Variants in CHLSN observed in about 807,000 individuals in gnomAD.
The protein encoded by CHLSN is protein cholesin.
At chr7:987,822 GTCCTGGGGGTCCCCTCTGTA>G in the CHLSN span, among the ~76,000 whole-genome samples, 1 of 151,796 alleles carries the variant, frequency 6.6e-6, no homozygotes, top group Non-Finnish European at 1.5e-5. Context: ...CCCTCGGTGT[GTCCTGGGGGTCCCCTCTGTA>G]TCCTGGGGGG....
the CHLSN span, among the ~76,000 whole-genome samples, chr7:1,008,850 C>CGTAAATACAT: frequency 1.3e-5 from 2 of 149,060 alleles, no homozygotes; most frequent in Non-Finnish European, 3.0e-5. Context: ...CACGCACACA[C>CGTAAATACAT]GTAAACACAC....
the CHLSN span, among the ~76,000 whole-genome samples, chr7:1,097,202 C>T: frequency 1.3e-5 from 2 of 152,232 alleles, no homozygotes; most frequent in Non-Finnish European, 2.9e-5. The surrounding 1 kb of genome is among the most constrained non-coding windows in gnomAD (Gnocchi z 4.3). Flanking sequence ...CCCACCTGCA[C>T]AGGGCCTGGC....
chr7:1,051,143 G>T, the CHLSN span, among the ~76,000 whole-genome samples: 2 of 152,362 alleles, frequency 1.3e-5, no homozygotes, highest in Admixed American at 1.3e-4. Context: ...CCTACAAGCA[G>T]CGTGTGGGCA....
chr7:1,064,480 C>G, the CHLSN span, among the ~76,000 whole-genome samples: 10 of 152,242 alleles, frequency 6.6e-5, no homozygotes, highest in African/African-American at 2.4e-4. Flanking sequence ...GGGGCACTGA[C>G]AGGTTCCAGA....
the CHLSN span, among the ~76,000 whole-genome samples, chr7:1,064,911 C>T: frequency 6.6e-6 from 1 of 152,240 alleles, no homozygotes; most frequent in Non-Finnish European, 1.5e-5. Flanking sequence ...GTCAAGCGAG[C>T]AGCATCCGAT....
chr7:1,083,605 G>A, the CHLSN span, among the ~76,000 whole-genome samples: 15 of 151,468 alleles, frequency 9.9e-5, no homozygotes, highest in Non-Finnish European at 2.1e-4. Context: ...TCCAGCCTGG[G>A]CGACAGAGCA....
chr7:1,044,160 G>T, the CHLSN span, among the ~76,000 whole-genome samples: 1 of 152,246 alleles, frequency 6.6e-6, no homozygotes, highest in Non-Finnish European at 1.5e-5. Context: ...GGTGTACCTG[G>T]AAGGACTAAC....
At chr7:1,121,081 G>A in the CHLSN span, among the ~76,000 whole-genome samples, 56 of 152,294 alleles carry the variant, frequency 3.7e-4, no homozygotes, top group African/African-American at 1.1e-3. Context: ...CAGCGTGGCC[G>A]GCAGGGATGA....
the CHLSN span, among the ~76,000 whole-genome samples, chr7:1,046,622 G>A: frequency 1.3e-5 from 2 of 152,176 alleles, no homozygotes; most frequent in South Asian, 4.1e-4. Context: ...TGCTGCCCGG[G>A]ACCAGAAGTC....
chr7:1,020,977 G>C, the CHLSN span, among the ~76,000 whole-genome samples: 1 of 139,544 alleles, frequency 7.2e-6, no homozygotes, highest in Non-Finnish European at 1.5e-5. Context: ...TCCAGGCTGG[G>C]GACCTTCAGG....
At chr7:1,068,700 G>A in the CHLSN span, among the ~76,000 whole-genome samples, 3 of 152,132 alleles carry the variant, frequency 2.0e-5, no homozygotes, top group East Asian at 1.9e-4. Context: ...AGTCTATGAC[G>A]AAAGTTTTAC....
chr7:1,039,414 G>T, the CHLSN span, among the ~76,000 whole-genome samples: 3 of 41,088 alleles, frequency 7.3e-5, no homozygotes, highest in East Asian at 1.8e-3. Flanking sequence ...GGAGGGAGGT[G>T]GGGGGGGGGG....
chr7:1,093,126 C>A, the CHLSN span: 1 of 638,442 alleles, frequency 1.6e-6, no homozygotes, highest in Admixed American at 2.1e-5. Flanking sequence ...ACCAGCCTGT[C>A]ACCCAGCTCC....
chr7:1,028,728 GCCCCCATAGACCCATCT>G, the CHLSN span: 2 of 704,328 alleles, frequency 2.8e-6, no homozygotes, highest in Non-Finnish European at 3.3e-6. Flanking sequence ...CCCCCAATCT[GCCCCCATAGACCCATCT>G]CCCCCAGTCT....
the CHLSN span, among the ~76,000 whole-genome samples, chr7:1,125,976 CA>C: frequency 3.3e-5 from 5 of 152,158 alleles, no homozygotes; most frequent in South Asian, 1.0e-3. Flanking sequence ...CTTGGTGGGT[CA>C]AAAAATTTTT....
chr7:999,396 G>C, the CHLSN span, among the ~76,000 whole-genome samples: 1 of 148,776 alleles, frequency 6.7e-6, no homozygotes, highest in Non-Finnish European at 1.5e-5. Flanking sequence ...GCCTGCCCCA[G>C]TGTCGCGATT....
At chr7:1,116,409 G>C in the CHLSN span, among the ~76,000 whole-genome samples, 847 of 71,512 alleles carry the variant, frequency 0.012, 3 homozygotes, top group Middle Eastern at 0.066. Flanking sequence ...ATGATGACAT[G>C]ACTGCAGCTC....
At chr7:1,073,376 CGCGCAG>C in the CHLSN span, among the ~76,000 whole-genome samples, 1 of 152,100 alleles carries the variant, frequency 6.6e-6, no homozygotes, top group Non-Finnish European at 1.5e-5. Flanking sequence ...AGCTACTCCC[CGCGCAG>C]GCAGCTCCTC....
At chr7:1,074,785 C>CGCCTGGGATGTCATGCA in the CHLSN span, 1 of 152,508 alleles carries the variant, frequency 6.6e-6, no homozygotes, top group African/African-American at 2.4e-5. Flanking sequence ...GTGAGGCCCG[C>CGCCTGGGATGTCATGCA]GCCTGGGATG....
Sources: allele counts gnomAD v4.1 joint callset (sites outside exome capture counted in the v4.1 genomes callset), GRCh38; gene constraint gnomAD v4.1.1; non-coding constraint Gnocchi (gnomAD v3.1); transcripts MANE v1.5; gene names NCBI Gene and HGNC (gene_info 2026-07-23, HGNC 2026-07-21).